The following LRP2 variants were observed in gnomAD, a reference collection of about 807,000 sequenced individuals.
The protein encoded by LRP2 is LDL receptor related protein 2.
In LRP2, 172 loss-of-function variants were observed where a neutral mutation model predicts 531.0. The observed-to-expected ratio is 0.32, with a 90% confidence interval of 0.29 to 0.37. The LOEUF (loss-of-function observed/expected upper bound fraction) is 0.37, where lower values mean the gene tolerates loss of function less well. LRP2 is among the 10% of genes least tolerant of loss of function. The pLI, the probability that LRP2 is intolerant of heterozygous loss-of-function variation, is 1.00. For synonymous variants in LRP2, 1,992 were observed against 2,027.6 expected, an observed-to-expected ratio of 0.98 and a Z score of 0.47; for missense variants, 5,167 against 5,868.3, an observed-to-expected ratio of 0.88 and a Z score of 3.90.
At chr2:169,361,332 CTCTCTCTG>C (rs1378759806) in intron 1 of LRP2, among the ~76,000 whole-genome samples, 5 of 59,720 alleles carry the variant, frequency 8.4e-5, no homozygotes, top group African/African-American at 1.4e-4. Context: ...CTCTCTCTGT[CTCTCTCTG>C]TCTCTCTCTG....
Position 169,277,751 on chromosome 2 carries a change from A to G in LRP2, c.1766T>C (p.Ile589Thr), listed in dbSNP as rs1419330659. 6.2e-7 allele frequency: 1 copy of G among 1,613,964 alleles called. No individual in the cohort carries two copies. The highest frequency in any genetic ancestry group is 2.2e-5 in the East Asian group (1 of 44,876). ...DYIETVTYDGIQRKTVVHGGS... is the reference protein window; with the variant it reads ...DYIETVTYDGTQRKTVVHGGS... The stretch of plus-strand genomic sequence containing the variant: ...CATAAAAAATACTTCTTACCTTTGA[A>G]TTCCATCATAAGTTACAGTTTCAAT... The change falls in exon 13 of 79, where the codon ATT (isoleucine) becomes ACT (threonine). Residue 589 changes from isoleucine to threonine, a missense_variant. Ile to Thr is a moderately conservative substitution (Grantham distance 89, BLOSUM62 -1). This residue lies in a region of LRP2 where 2,811 missense variants were observed against 3,058.0 expected (regional missense o/e 0.92). Coordinates refer to ENST00000649046, the MANE Select transcript of LRP2 (RefSeq NM_004525.3).
intron 75 of LRP2, 107 bp downstream of exon 75, chr2:169,138,470 G>T (rs13003777): frequency 8.3e-6 from 10 of 1,206,654 alleles, no homozygotes; most frequent in Non-Finnish European, 1.2e-5. Context: ...TATTCTGAGA[G>T]GCCTAATACT....
At chr2:169,315,018 C>G (rs1353214118) in intron 3 of LRP2, among the ~76,000 whole-genome samples, 1 of 152,158 alleles carries the variant, frequency 6.6e-6, no homozygotes, top group Non-Finnish European at 1.5e-5. Flanking sequence ...TTCTTCTTTA[C>G]GTCAAGCCCA....
chr2:169,131,266 T>C (rs1685279172), intron 77 of LRP2, among the ~76,000 whole-genome samples: 1 of 151,254 alleles, frequency 6.6e-6, no homozygotes, highest in Admixed American at 6.6e-5. Flanking sequence ...TGTGTGTGTG[T>C]GTGTGTGTGT....
chr2:169,156,248 T>TTAA, intron 65 of LRP2, 26 bp downstream of exon 65: 1 of 1,613,260 alleles, frequency 6.2e-7, no homozygotes, highest in Non-Finnish European at 8.5e-7. Context: ...CAAAAGTCAA[T>TTAA]TAATCCCAAC....
intron 1 of LRP2, among the ~76,000 whole-genome samples, chr2:169,322,483 G>A (rs990379402): frequency 6.6e-6 from 1 of 152,050 alleles, no homozygotes; most frequent in Admixed American, 6.5e-5. Flanking sequence ...GGGGTTGGTG[G>A]TGCAGGTCTC....
At chr2:169,298,837 T>C (rs1322807313) in intron 4 of LRP2, among the ~76,000 whole-genome samples, 1 of 151,738 alleles carries the variant, frequency 6.6e-6, no homozygotes, top group Admixed American at 6.6e-5. Flanking sequence ...GCCATAAAGT[T>C]AGTCTCATGA....
At chr2:169,248,079 A>C (rs575739394) in intron 19 of LRP2, among the ~76,000 whole-genome samples, 1 of 152,236 alleles carries the variant, frequency 6.6e-6, no homozygotes, top group African/African-American at 2.4e-5. Context: ...CTTTCAGTGT[A>C]TGTTTGAGGA....
intron 71 of LRP2, among the ~76,000 whole-genome samples, chr2:169,142,122 C>T (rs1415236477): frequency 1.3e-5 from 2 of 152,186 alleles, no homozygotes; most frequent in East Asian, 3.8e-4. Flanking sequence ...GTTATTCGCC[C>T]CCATCCGGCT....
intron 24 of LRP2, among the ~76,000 whole-genome samples, chr2:169,242,257 A>T (rs1689834693): frequency 6.6e-6 from 1 of 152,216 alleles, no homozygotes; most frequent in African/African-American, 2.4e-5. Flanking sequence ...CAAGTCTAAA[A>T]TCCATTTAAA....
At position 169,311,864 on chromosome 2, in the gene LRP2, C is replaced by T. The variant is rs1209461700; in HGVS notation, c.311-4467G>A. 1.1e-4 allele frequency among the ~76,000 whole-genome samples: 17 copies of T among 152,210 alleles called. No individual in the cohort carries two copies. In the East Asian group the frequency reaches 2.5e-3, roughly 23 times the overall value. ...GTCTTTGTAGGTCTCTAAGGACTTG[C>T]TTTATGAATCTGGGTGCTCCTGTAT... On this transcript the variant is annotated intron_variant, in intron 3 of 78. Transcript: ENST00000649046.
intron 9 of LRP2, among the ~76,000 whole-genome samples, chr2:169,285,370 T>C (rs1398249501): frequency 6.6e-6 from 1 of 152,056 alleles, no homozygotes; most frequent in Non-Finnish European, 1.5e-5. Context: ...TGGATCACTA[T>C]AGAGGAATAT....
At chr2:169,227,483 G>A (rs80314108) in intron 31 of LRP2, among the ~76,000 whole-genome samples, 1 of 152,024 alleles carries the variant, frequency 6.6e-6, no homozygotes, top group East Asian at 1.9e-4. Context: ...TCAAGAGTGG[G>A]GTTTTAAAAT....
chr2:169,309,324 C>T lies in LRP2; in HGVS notation c.311-1927G>A, dbSNP rs978742362. ...ATGTCTATGTCCTGAATGGTATTGC[C>T]TAGGTTTTCTTCTAGGGTTTTTATG... On this transcript the variant is annotated intron_variant, in intron 3 of 78. Transcript: ENST00000649046. Among the ~76,000 whole-genome samples the T allele has an allele frequency of 4.6e-5, 7 of 152,226 alleles. 1 individual carries two copies. Among genetic ancestry groups the T allele is most frequent in the Admixed American group, 4.6e-4 (7 of 15,288 alleles).
rs17848143 is a variant in LRP2, at chr2:169,246,961, C to T, written c.2934G>A (p.Thr978=). ...QTGSNACNQP[T]HPNGDCSHFC... Reference sequence around the variant, plus strand: ...AGTGGCTGCAGTCACCGTTAGGATGCGTGGGTTGATTACAGGCGTTAGAAC... The same window carrying T: ...AGTGGCTGCAGTCACCGTTAGGATGTGTGGGTTGATTACAGGCGTTAGAAC... The change falls in exon 21 of 79, where the codon ACG becomes ACA. Residue 978 remains threonine (T), a synonymous_variant. Coordinates refer to ENST00000649046, the MANE Select transcript of LRP2 (RefSeq NM_004525.3). 2,236 of 1,614,118 alleles carry T rather than the reference C, an allele frequency of 1.4e-3. 26 individuals carry two copies. In the East Asian group the frequency reaches 0.038, roughly 27 times the overall value.
intron 76 of LRP2, among the ~76,000 whole-genome samples, chr2:169,134,616 G>A (rs1006843620): frequency 2.6e-5 from 4 of 152,102 alleles, no homozygotes; most frequent in Non-Finnish European, 4.4e-5. Context: ...TGAGGCTACC[G>A]CTCTGCCCCG....
chr2:169,208,089 C>CA (rs1417378141), intron 38 of LRP2, among the ~76,000 whole-genome samples: 2 of 152,148 alleles, frequency 1.3e-5, no homozygotes, highest in Non-Finnish European at 2.9e-5. Flanking sequence ...CCAGGGTTGG[C>CA]AAACTTTTTC....
chr2:169,323,574 C>T (rs940112111), intron 1 of LRP2, among the ~76,000 whole-genome samples: 4 of 151,692 alleles, frequency 2.6e-5, no homozygotes, highest in African/African-American at 9.7e-5. Context: ...TACTCACAAG[C>T]CCTCCAAAAG....
intron 50 of LRP2, among the ~76,000 whole-genome samples, chr2:169,184,451 C>G (rs1412054807): frequency 6.6e-6 from 1 of 152,136 alleles, no homozygotes; most frequent in Admixed American, 6.5e-5. Flanking sequence ...GGGGAAGAGC[C>G]CTCTGGAGGT....
Sources: gnomAD v4.1 joint callset for allele counts (sites outside exome capture counted in the v4.1 genomes callset) on GRCh38, gnomAD v4.1.1 for gene constraint, gnomAD v4.1.1 regional missense constraint, MANE v1.5 for transcripts, NCBI Gene and HGNC (gene_info 2026-07-23, HGNC 2026-07-21) for gene names.